TTN: variants seen among roughly 807,000 people sequenced by gnomAD.
The protein encoded by TTN is connectin.
Under a neutral mutation model 3,223.0 loss-of-function variants are expected in TTN, and 1,525 were observed. The observed-to-expected ratio is 0.47, with a 90% CI of 0.45 to 0.49. The LOEUF (loss-of-function observed/expected upper bound fraction) is 0.49. TTN is among the 20% of genes least tolerant of loss of function. The pLI, the probability that TTN is intolerant of heterozygous loss-of-function variation, is 0.00. For missense variants in TTN, 40,786 were observed against 43,424.0 expected (o/e 0.94, Z 5.40); for synonymous variants, 14,094 against 15,161.0 (o/e 0.93, Z 5.17).
At chr2:178,701,933 T>C in intron 109 of TTN, 107 bp downstream of exon 109, 2 of 1,143,716 alleles carry the variant, frequency 1.7e-6, no homozygotes, top group Non-Finnish European at 1.3e-6. Flanking sequence ...AAAAATATTT[T>C]ACCCAAAAGA....
intron 73 of TTN, 61 bp downstream of exon 73, chr2:178,723,795 T>C: frequency 1.3e-6 from 2 of 1,550,444 alleles, no homozygotes; most frequent in Non-Finnish European, 1.7e-6. Context: ...TTTGTCAACA[T>C]AGATGTGCAC....
chr2:178,804,944 G>T (rs1484888268), intron 1 of TTN, among the ~76,000 whole-genome samples: 3 of 152,206 alleles, frequency 2.0e-5, no homozygotes. Flanking sequence ...GGAATATACA[G>T]TCTTACCAAT....
At chr2:178,619,009 C>T (rs1284108003) in intron 250 of TTN, 156 bp from the exon 251 acceptor site, 12 of 1,019,900 alleles carry the variant, frequency 1.2e-5, no homozygotes, top group Non-Finnish European at 1.5e-5. Context: ...TTAGAGTTCT[C>T]ATAGCTTTTT....
Position 178,781,140 on chromosome 2 carries a change from A to G in TTN, c.3504T>C (p.Ser1168=), listed in dbSNP as rs1295138910. 6.2e-7 allele frequency: 1 copy of G among 1,613,910 alleles called. No homozygotes were observed. Among genetic ancestry groups the G allele is most frequent in the African/African-American group, 1.3e-5 (1 of 74,930 alleles). ...ACTTACCTTCTTCAAGCAAGGAAGCAGATGCAGAAGTTTCTCCATGCTTAT... is the reference window on the plus strand; with the variant it reads ...ACTTACCTTCTTCAAGCAAGGAAGCGGATGCAGAAGTTTCTCCATGCTTAT... ...VRNKHGETSA[S]ASLLEEADYE... The change falls in exon 21 of 363, where the codon TCT becomes TCC. Residue 1168 remains serine (S), a synonymous_variant. Transcript: ENST00000589042.
rs2068813614 is a variant in TTN at position 178,679,406 on chromosome 2, A to G, written c.33675T>C (p.Val11225=). 1 of 1,612,588 alleles carries G rather than the reference A, an allele frequency of 6.2e-7. No homozygotes were observed. The highest frequency in any genetic ancestry group is 2.2e-5 in the East Asian group (1 of 44,866). ...KEAPPAKVPE[V]PKKPEEKVPV... Reference sequence around the variant, plus strand: ...GAACTTTCTCCTCTGGCTTCTTAGGAACCTCAGGCACTTTAAAGATATTGT... The same window carrying G: ...GAACTTTCTCCTCTGGCTTCTTAGGGACCTCAGGCACTTTAAAGATATTGT... The change falls in exon 142 of 363, where the codon GTT becomes GTC. Residue 11225 remains valine (V), a synonymous_variant. Transcript: ENST00000589042.
At chr2:178,694,448 A>T in intron 117 of TTN, 151 bp downstream of exon 117, 2 of 537,038 alleles carry the variant, frequency 3.7e-6, no homozygotes, top group Non-Finnish European at 6.6e-6. Flanking sequence ...AATTAAACAT[A>T]TGTGCAACTC....
At chr2:178,647,263 C>T in intron 214 of TTN, 118 bp downstream of exon 214, 3 of 1,261,870 alleles carry the variant, frequency 2.4e-6, no homozygotes, top group South Asian at 2.9e-5. Context: ...ATTCAGATGA[C>T]CCCCCAAATA....
At position 178,614,781 on chromosome 2, in the gene TTN, T is replaced by C. The variant is rs768165167; in HGVS notation, c.48761-28A>G. On this transcript the variant is annotated intron_variant, in intron 260 of 362. Coordinates refer to ENST00000589042, the MANE Select transcript of TTN (RefSeq NM_001267550.2). ...GAATTGGAAAAGATTATTTATGATG[T>C]TATCAAGTTCAAGCAGATTTAAGGT... 10 of 1,601,178 alleles carry C rather than the reference T, an allele frequency of 6.2e-6. 1 individual carries two copies. In the South Asian group the frequency reaches 1.1e-4, roughly 18 times the overall value.
chr2:178,769,647 G>GA (rs1561213702), intron 37 of TTN, 32 bp downstream of exon 37: 1 of 940,814 alleles, frequency 1.1e-6, no homozygotes, highest in Non-Finnish European at 1.4e-6. Context: ...TTATATATAT[G>GA]TGTATATATA....
Position 178,589,952 on chromosome 2 carries a change from T to C in TTN, c.61773A>G (p.Glu20591=), listed in dbSNP as rs753906321. 4 of 1,613,108 alleles carry C rather than the reference T, an allele frequency of 2.5e-6. No homozygotes were observed. Among genetic ancestry groups the C allele is most frequent in the African/African-American group, 2.7e-5 (2 of 74,906 alleles). ...CTGAGCCACCATTATCTAGTGGGTT[T>C]TCCCAAGAAATTGTACAGTTCTCTT... ...VTKENCTISW[E]NPLDNGGSEI... Residue 20591 remains glutamate (E), a synonymous_variant, in exon 304 of 363, where the codon GAA becomes GAG. Transcript: ENST00000589042.
At chr2:178,800,157 G>T (rs2093986219) in intron 4 of TTN, among the ~76,000 whole-genome samples, 2 of 152,168 alleles carry the variant, frequency 1.3e-5, no homozygotes, top group Non-Finnish European at 2.9e-5. Flanking sequence ...TGGAAATGTA[G>T]ATCACTTAAT....
In TTN at chr2:178,776,875, T is replaced by C. The variant is rs756408474; in HGVS notation, c.4989A>G (p.Pro1663=). 1 of 1,613,096 alleles carries C rather than the reference T, an allele frequency of 6.2e-7. No individual in the cohort carries two copies. The highest frequency in any genetic ancestry group is 2.2e-5 in the East Asian group (1 of 44,838). Residue 1663 remains proline (P), a synonymous_variant, in exon 28 of 363, where the codon CCA becomes CCG. Coordinates refer to ENST00000589042, the MANE Select transcript of TTN (RefSeq NM_001267550.2). ...TCTCCTTTGCTCTATATGTCCCCCG[T>C]GGGATGATTAACTTTCTCTCTGGCT... ...EPEPERKLII[P]RGTYRAKEIA...
chr2:178,645,343 C>T (rs1367868047), intron 217 of TTN, among the ~76,000 whole-genome samples: 2 of 151,782 alleles, frequency 1.3e-5, no homozygotes, highest in Non-Finnish European at 2.9e-5. Flanking sequence ...GAGAACCACA[C>T]AGAACACTTC....
In TTN at chr2:178,633,286, C is replaced by T. The variant is rs2154224724; in HGVS notation, c.42987G>A (p.Glu14329=). 2 of 1,613,340 alleles carry T rather than the reference C, an allele frequency of 1.2e-6. No homozygotes were observed. Among genetic ancestry groups the T allele is most frequent in the Non-Finnish European group, 1.7e-6 (2 of 1,179,510 alleles). The change falls in exon 233 of 363, where the codon GAG becomes GAA. Residue 14329 remains glutamate, a synonymous_variant. Transcript: ENST00000589042. ...AGTGGGCTGTTTCACCAACAAACAC[C>T]TCTACTCCGTACAGAGGCTTTTCCA... ...IKVEKPLYGV[E]VFVGETAHFE... is the part of the protein sequence containing the mutation.
intron 47 of TTN, chr2:178,745,066 T>C: frequency 1.0e-6 from 1 of 986,846 alleles, no homozygotes; most frequent in Non-Finnish European, 1.2e-6. Context: ...AAGCTGGTTT[T>C]TGTTGTTTGT....
rs1060500512 is a variant in TTN, at chr2:178,543,105, C to T, written c.96868G>A (p.Glu32290Lys). 1.2e-6 allele frequency: 2 copies of T among 1,606,088 alleles called. No individual in the cohort carries two copies. Among genetic ancestry groups the T allele is most frequent in the Non-Finnish European group, 1.7e-6 (2 of 1,175,174 alleles). ...TGTACAGTCACGGCTGTGACAGTCT[C>T]TCTTGGTTCTGACACACCTTTCTCA... is the stretch of plus-strand genomic sequence containing the variant. Reference protein sequence around the residue: ...QNEKGVSEPRETVTAVTVQDL... With the variant: ...QNEKGVSEPRKTVTAVTVQDL... Residue 32290 changes from glutamate to lysine, a missense_variant, in exon 347 of 363, where the codon GAG becomes AAG. Coordinates refer to ENST00000589042, the MANE Select transcript of TTN (RefSeq NM_001267550.2).
chr2:178,666,683 G>T, intron 163 of TTN, 141 bp downstream of exon 163: 1 of 642,216 alleles, frequency 1.6e-6, no homozygotes, highest in Non-Finnish European at 2.5e-6. Context: ...AATACATTTG[G>T]TTGAGCTTCT....
intron 236 of TTN, 46 bp from the exon 237 acceptor site, chr2:178,631,346 G>A: frequency 6.5e-7 from 1 of 1,538,120 alleles, no homozygotes; most frequent in Non-Finnish European, 8.7e-7. Context: ...TCACCTTAGG[G>A]AAATGACAAT....
chr2:178,590,592 G>T lies in TTN; in HGVS notation c.61133C>A (p.Pro20378His). 1 of 1,612,650 alleles carries T rather than the reference G, an allele frequency of 6.2e-7. No individual in the cohort carries two copies. The highest frequency in any genetic ancestry group is 8.5e-7 in the Non-Finnish European group (1 of 1,179,292). The change falls in exon 304 of 363, where the codon CCT becomes CAT. Residue 20378 changes from proline (P) to histidine (H), a missense_variant. By Grantham distance (77) the Pro-to-His change is moderately conservative. Transcript: ENST00000589042. ...TTCTCTGCTCTTGTCTTTCAGTTTA[G>T]GATTAATAGGTGGTCCAGGTGGTTT... is the stretch of plus-strand genomic sequence containing the variant. ...PIKPPGPPIN[P>H]KLKDKSRETA...
Sources: allele counts gnomAD v4.1 joint callset (sites outside exome capture counted in the v4.1 genomes callset), GRCh38; gene constraint gnomAD v4.1.1; transcripts MANE v1.5; gene names NCBI Gene and HGNC (gene_info 2026-07-23, HGNC 2026-07-21).